The following MICAL2 variants were observed in gnomAD, a reference collection of about 807,000 sequenced individuals.
The protein encoded by MICAL2 is [F-actin]-monooxygenase MICAL2.
A neutral mutation model predicts 127.3 loss-of-function variants in MICAL2; 77 were observed. The observed-to-expected ratio is 0.60, with a 90% CI of 0.50 to 0.73. MICAL2 has a LOEUF of 0.73. MICAL2 is among the 30% of genes least tolerant of loss of function. The probability of loss-of-function intolerance (pLI) is 0.00; values close to 1 mark genes in which losing one functional copy is unlikely to be tolerated. For synonymous variants in MICAL2, 570 were observed against 551.1 expected (o/e 1.03, Z -0.48); for missense variants, 1,351 against 1,434.4 (o/e 0.94, Z 0.94).
chr11:12,118,590 T>C (rs534587469), intron 1 of MICAL2, among the ~76,000 whole-genome samples: 1 of 152,304 alleles, frequency 6.6e-6, no homozygotes, highest in East Asian at 1.9e-4. Context: ...TCCCCTTGTG[T>C]TCGATTTGGG....
intron 2 of MICAL2, among the ~76,000 whole-genome samples, chr11:12,148,870 G>A (rs906126007): frequency 1.3e-5 from 2 of 152,192 alleles, no homozygotes; most frequent in East Asian, 1.9e-4. Context: ...TAAGGATGCA[G>A]CCCAGCCAGG....
intron 26 of MICAL2, chr11:12,262,068 G>T (rs1863189112): frequency 9.2e-7 from 1 of 1,084,040 alleles, no homozygotes; most frequent in African/African-American, 1.6e-5. Context: ...GCGAGACAGG[G>T]CGTGCCTGTC....
chr11:12,188,798 T>C (rs904749819), intron 3 of MICAL2, among the ~76,000 whole-genome samples: 1 of 152,160 alleles, frequency 6.6e-6, no homozygotes, highest in African/African-American at 2.4e-5. Context: ...GGATCCTTGT[T>C]AGGACTCAAT....
chr11:12,217,780 C>T (rs774809330), intron 8 of MICAL2, among the ~76,000 whole-genome samples: 2 of 152,126 alleles, frequency 1.3e-5, no homozygotes, highest in Non-Finnish European at 2.9e-5. Context: ...TCACCAAGGC[C>T]TTTCTTTCTC....
chr11:12,244,968 G>T (rs1415094550), intron 21 of MICAL2, among the ~76,000 whole-genome samples: 1 of 152,238 alleles, frequency 6.6e-6, no homozygotes, highest in Non-Finnish European at 1.5e-5. Flanking sequence ...AGGATGAGAA[G>T]AGTGGGGAGC....
intron 32 of MICAL2, among the ~76,000 whole-genome samples, chr11:12,331,224 A>T (rs1206381283): frequency 1.3e-5 from 2 of 152,206 alleles, no homozygotes; most frequent in East Asian, 1.9e-4. Context: ...AATGGTCTGG[A>T]TAACACAATC....
chr11:12,341,771 G>A (rs1212849253), intron 32 of MICAL2, among the ~76,000 whole-genome samples: 5 of 152,080 alleles, frequency 3.3e-5, no homozygotes, highest in Admixed American at 3.3e-4. Context: ...AGTTTGTGGT[G>A]GGCCAAAATT....
At chr11:12,260,761 T>G (rs966157330) in intron 26 of MICAL2, 9 of 985,350 alleles carry the variant, frequency 9.1e-6, no homozygotes, top group Non-Finnish European at 9.6e-6. Flanking sequence ...AGTGTGTGGT[T>G]GGCTGTTATC....
chr11:12,205,618 G>GTCTC (rs1854579127), intron 4 of MICAL2, among the ~76,000 whole-genome samples: 1 of 152,162 alleles, frequency 6.6e-6, no homozygotes, highest in Non-Finnish European at 1.5e-5. Context: ...TCCAAAATAT[G>GTCTC]TCTCTTCCAT....
At chr11:12,122,813 A>G (rs1354051097) in intron 1 of MICAL2, among the ~76,000 whole-genome samples, 10 of 152,206 alleles carry the variant, frequency 6.6e-5, no homozygotes, top group Non-Finnish European at 1.0e-4. Flanking sequence ...TTCTTCTCAT[A>G]AACCTTGGAA....
chr11:12,345,605 A>G (rs1358020479), intron 32 of MICAL2, among the ~76,000 whole-genome samples: 2 of 152,362 alleles, frequency 1.3e-5, no homozygotes, highest in East Asian at 1.9e-4. Context: ...AAGTAAGGTG[A>G]TATTTAACAA....
intron 24 of MICAL2, among the ~76,000 whole-genome samples, chr11:12,268,870 G>C (rs932212412): frequency 5.9e-5 from 9 of 152,042 alleles, no homozygotes; most frequent in Non-Finnish European, 1.5e-5. Context: ...GTAGTGGCAG[G>C]CGCCTGTAGT....
intron 9 of MICAL2, among the ~76,000 whole-genome samples, chr11:12,220,666 C>G (rs1372934054): frequency 6.6e-6 from 1 of 152,216 alleles, no homozygotes; most frequent in Non-Finnish European, 1.5e-5. Context: ...TTAGGAGAGC[C>G]TTCTCTCCTA....
At chr11:12,350,258 T>C (rs1939023856) in intron 33 of MICAL2, among the ~76,000 whole-genome samples, 1 of 152,188 alleles carries the variant, frequency 6.6e-6, no homozygotes, top group Admixed American at 6.5e-5. Context: ...ATCACACACC[T>C]GCAATGGGAA....
chr11:12,185,153 G>GGGGA (rs1858035367), intron 3 of MICAL2, among the ~76,000 whole-genome samples: 1 of 6,512 alleles, frequency 1.5e-4, no homozygotes, highest in African/African-American at 6.5e-4. Flanking sequence ...GGATGGGTGG[G>GGGGA]TGTGTGGATG....
At position 12,244,026 on chromosome 11, in the gene MICAL2, C is replaced by T; in HGVS notation, c.2698C>T (p.Pro900Ser). The T allele has an allele frequency of 6.2e-7, 1 of 1,613,788 alleles. No individual in the cohort carries two copies. The highest frequency in any genetic ancestry group is 8.5e-7 in the Non-Finnish European group (1 of 1,179,660). The change falls in exon 21 of 28, where the codon CCA becomes TCA. Residue 900 changes from proline to serine, a missense_variant. Pro to Ser is a moderately conservative substitution (Grantham distance 74). Transcript: ENST00000683283. ...LSKGLSHTHP[P>S]SPPSRLPSPD... ...TAAAGGCCTGTCTCATACTCATCCTCCATCTCCTCCCTCTCGCCTTCCGTC... is the reference window on the plus strand; with the variant it reads ...TAAAGGCCTGTCTCATACTCATCCTTCATCTCCTCCCTCTCGCCTTCCGTC...
rs148725916 is a variant in MICAL2 at position 12,194,789 on chromosome 11, C to G, written c.265-9461C>G. Among the ~76,000 whole-genome samples the G allele has an allele frequency of 3.5e-3, 537 of 152,158 alleles. 3 individuals are homozygous for G. Among genetic ancestry groups the G allele is most frequent in the African/African-American group, 0.013 (520 of 41,494 alleles). ...GGTACCAGCACCAGAGCCCAAGGGA[C>G]AAGAATTTACAGGGTCAGTTAGAAG... is the stretch of plus-strand genomic sequence containing the variant. On this transcript the variant is annotated intron_variant, in intron 3 of 27. Coordinates refer to ENST00000683283, the MANE Select transcript of MICAL2 (RefSeq NM_001282663.2).
At chr11:12,327,165 T>G in intron 31 of MICAL2, 1 of 1,551,172 alleles carries the variant, frequency 6.4e-7, no homozygotes, top group Non-Finnish European at 8.7e-7. Context: ...CTGATCCTGG[T>G]GTTGCAGGCC....
At chr11:12,113,351 C>G (rs759073496) in intron 1 of MICAL2, among the ~76,000 whole-genome samples, 12 of 152,122 alleles carry the variant, frequency 7.9e-5, no homozygotes, top group Non-Finnish European at 1.3e-4. Flanking sequence ...TTCAAGGCCA[C>G]CTTGGGCAAC....
Sources: gnomAD v4.1 joint callset for allele counts (sites outside exome capture counted in the v4.1 genomes callset) on GRCh38, gnomAD v4.1.1 for gene constraint, MANE v1.5 for transcripts, NCBI Gene and HGNC (gene_info 2026-07-23, HGNC 2026-07-21) for gene names.